Variants in SPOCK1 observed in about 807,000 individuals in gnomAD.
SPOCK1 encodes the protein testican-1.
SPOCK1 carries 23 observed loss-of-function variants against 55.3 expected under a neutral mutation model. The ratio of observed to expected loss-of-function variants is 0.42; its 90% confidence interval spans 0.30 to 0.59. The LOEUF is 0.59. Ranked by LOEUF, SPOCK1 falls within the 20% of genes least tolerant of loss-of-function variation. The pLI is 0.22. For synonymous variants in SPOCK1, 226 were observed against 221.0 expected, an observed-to-expected ratio of 1.02 and a Z score of -0.20; for missense variants, 499 against 552.5, an observed-to-expected ratio of 0.90 and a Z score of 0.97.
At chr5:137,036,065 T>G (rs1430257073) in intron 6 of SPOCK1, among the ~76,000 whole-genome samples, 1 of 152,088 alleles carries the variant, frequency 6.6e-6, no homozygotes, top group Non-Finnish European at 1.5e-5. Context: ...GAGCTGGGCT[T>G]GCATAGGAAA....
intron 2 of SPOCK1, among the ~76,000 whole-genome samples, chr5:137,375,367 A>G (rs1006821435): frequency 1.3e-5 from 2 of 152,298 alleles, no homozygotes; most frequent in South Asian, 2.1e-4. Context: ...AAATTCAAAA[A>G]CAGGCAAAAT....
chr5:137,492,640 G>C (rs1269616789), intron 2 of SPOCK1, among the ~76,000 whole-genome samples: 3 of 152,238 alleles, frequency 2.0e-5, no homozygotes, highest in Non-Finnish European at 4.4e-5. Context: ...CAGTGGCCCA[G>C]AGATGATAAA....
chr5:137,349,179 C>G (rs1750625460), intron 2 of SPOCK1, among the ~76,000 whole-genome samples: 1 of 152,192 alleles, frequency 6.6e-6, no homozygotes, highest in South Asian at 2.1e-4. Context: ...GCTGCAAGAA[C>G]AAATCAATAG....
chr5:137,432,583 G>A (rs1378607506), intron 2 of SPOCK1, among the ~76,000 whole-genome samples: 2 of 152,138 alleles, frequency 1.3e-5, no homozygotes, highest in Non-Finnish European at 2.9e-5. Context: ...GAGACAGCAA[G>A]TAGAATGGTG....
intron 2 of SPOCK1, among the ~76,000 whole-genome samples, chr5:137,404,002 G>A (rs527415286): frequency 6.6e-6 from 1 of 152,314 alleles, no homozygotes; most frequent in Admixed American, 6.5e-5. Context: ...GCAAAGGTGA[G>A]ACAGACAGGC....
At chr5:137,347,558 A>G (rs1385287430) in intron 2 of SPOCK1, among the ~76,000 whole-genome samples, 2 of 152,098 alleles carry the variant, frequency 1.3e-5, no homozygotes, top group African/African-American at 4.8e-5. Flanking sequence ...CATCTCCACT[A>G]AAAATACAAA....
intron 3 of SPOCK1, among the ~76,000 whole-genome samples, chr5:137,255,886 T>G (rs1756621675): frequency 1.3e-5 from 2 of 152,182 alleles, no homozygotes. Flanking sequence ...AACTAACATT[T>G]TCCACCTTCT....
chr5:137,378,242 C>T (rs1751372156), intron 2 of SPOCK1, among the ~76,000 whole-genome samples: 1 of 152,200 alleles, frequency 6.6e-6, no homozygotes, highest in African/African-American at 2.4e-5. Context: ...CCGCACCTGG[C>T]CTTCCCTTCC....
At chr5:136,987,563 T>C (rs1397258977) in intron 8 of SPOCK1, among the ~76,000 whole-genome samples, 1 of 152,204 alleles carries the variant, frequency 6.6e-6, no homozygotes, top group Non-Finnish European at 1.5e-5. Flanking sequence ...TGACTAGTAA[T>C]TTTAAGAACA....
At chr5:137,189,668 T>G (rs1755139415) in intron 3 of SPOCK1, among the ~76,000 whole-genome samples, 3 of 152,206 alleles carry the variant, frequency 2.0e-5, no homozygotes, top group Admixed American at 1.3e-4. Flanking sequence ...ACACCCTTTT[T>G]GTAGGCCACG....
intron 2 of SPOCK1, among the ~76,000 whole-genome samples, chr5:137,337,773 A>C (rs575272652): frequency 9.8e-5 from 15 of 152,332 alleles, no homozygotes; most frequent in African/African-American, 3.6e-4. Context: ...CCTCCTAAAC[A>C]AAGACGTTTT....
chr5:137,156,973 T>A (rs1456648673), intron 3 of SPOCK1, among the ~76,000 whole-genome samples: 1 of 152,136 alleles, frequency 6.6e-6, no homozygotes, highest in Non-Finnish European at 1.5e-5. Flanking sequence ...CACACAAAAA[T>A]CTATCATAAA....
At position 137,475,568 on chromosome 5, in the gene SPOCK1, CTTTATTTA is replaced by C. The variant is rs34929130; in HGVS notation, c.186+22797_186+22804del. Among the ~76,000 whole-genome samples the C allele has an allele frequency of 5.3e-3, 790 of 150,104 alleles. 5 individuals are homozygous for C. Among genetic ancestry groups the C allele is most frequent in the African/African-American group, 0.018 (727 of 40,766 alleles). The stretch of plus-strand genomic sequence containing the variant: ...ATAATTAATGTATCACCTAAAGTAT[CTTTATTTA>C]TTTATTTATTTATTTATTTATTTTG... On this transcript the variant is annotated intron_variant, in intron 2 of 10. Transcript: ENST00000394945.
rs183250582 is a variant in SPOCK1 at position 137,277,677 on chromosome 5, G to C, written c.187-10622C>G. On this transcript the variant is annotated intron_variant, in intron 2 of 10. Transcript: ENST00000394945. ...CTCAGCTTTCCTATCTGTGAAATAG[G>C]GGATGAAAACACCTGCTTCACAAGG... Among the ~76,000 whole-genome samples the C allele has an allele frequency of 9.6e-4, 146 of 152,256 alleles. 2 individuals carry two copies. The highest frequency in any genetic ancestry group is 2.6e-4 in the Non-Finnish European group (18 of 68,024).
intron 2 of SPOCK1, among the ~76,000 whole-genome samples, chr5:137,346,938 C>T (rs948200762): frequency 1.3e-5 from 2 of 152,174 alleles, no homozygotes; most frequent in African/African-American, 4.8e-5. Flanking sequence ...ACTCAGACCT[C>T]CTGCAGGATA....
chr5:137,008,293 A>ACAC (rs774157155), intron 6 of SPOCK1, among the ~76,000 whole-genome samples: 37 of 40,638 alleles, frequency 9.1e-4, no homozygotes, highest in Non-Finnish European at 2.8e-3. Context: ...TATAATAATA[A>ACAC]ATACACACAC....
At chr5:137,386,049 T>C (rs911789956) in intron 2 of SPOCK1, among the ~76,000 whole-genome samples, 2 of 152,306 alleles carry the variant, frequency 1.3e-5, no homozygotes, top group Non-Finnish European at 1.5e-5. Context: ...GATACAAGGT[T>C]AATATACAAA....
chr5:137,476,652 C>T (rs570625139), intron 2 of SPOCK1, among the ~76,000 whole-genome samples: 130 of 152,194 alleles, frequency 8.5e-4, no homozygotes, highest in African/African-American at 2.7e-3. Context: ...TGGCTGGACA[C>T]GGTGGCTCAC....
At chr5:137,050,413 T>C (rs1280941220) in intron 6 of SPOCK1, among the ~76,000 whole-genome samples, 23 of 148,348 alleles carry the variant, frequency 1.6e-4, no homozygotes, top group Middle Eastern at 3.4e-3. Flanking sequence ...TCCAGGTGCG[T>C]CCGTCACCCC....
Sources: gnomAD v4.1 joint callset for allele counts (sites outside exome capture counted in the v4.1 genomes callset) on GRCh38, gnomAD v4.1.1 for gene constraint, MANE v1.5 for transcripts, NCBI Gene and HGNC (gene_info 2026-07-23, HGNC 2026-07-21) for gene names.